UMODL1: variants seen among roughly 807,000 people sequenced by gnomAD.
UMODL1 encodes uromodulin like 1, also known as uromodulin-like 1.
Under a neutral mutation model 136.3 loss-of-function variants are expected in UMODL1, and 128 were observed. The observed-to-expected ratio is 0.94, with a 90% CI of 0.81 to 1.09. The LOEUF (loss-of-function observed/expected upper bound fraction) is 1.09. UMODL1 is among the 50% of genes least tolerant of loss of function. The pLI is 0.00. For synonymous variants in UMODL1, 721 were observed against 720.0 expected (o/e 1.00, Z -0.02); for missense variants, 1,766 against 1,725.6 (o/e 1.02, Z -0.41).
At position 42,089,937 on chromosome 21, in the gene UMODL1, G is replaced by A. The variant is rs528357722; in HGVS notation, c.791-361G>A. Among the ~76,000 whole-genome samples, 7 of 152,262 alleles carry A rather than the reference G, an allele frequency of 4.6e-5. No homozygotes were observed. In the South Asian group the frequency reaches 8.3e-4, roughly 18 times the overall value. ...GGTGGCTCTGGGTTTCCTTGTTGGC[G>A]CAGAAAACACCCACTGATTTACTTT... On this transcript the variant is annotated intron_variant, in intron 5 of 22. Transcript: ENST00000408910.
At chr21:42,089,414 T>TTCTGTCATCTGC in intron 5 of UMODL1, among the ~76,000 whole-genome samples, 2 of 152,288 alleles carry the variant, frequency 1.3e-5, no homozygotes, top group South Asian at 4.2e-4. Context: ...AAAGTGCTCG[T>TTCTGTCATCTGC]TCTGTCATCT....
intron 14 of UMODL1, among the ~76,000 whole-genome samples, chr21:42,117,137 A>G (rs1601249563): frequency 1.3e-5 from 2 of 152,214 alleles, no homozygotes; most frequent in South Asian, 2.1e-4. Flanking sequence ...GTAATCACTT[A>G]TCTGCTTTTT....
rs2066416783 is a variant in UMODL1, at chr21:42,085,535, A to G, written c.603+123A>G. ...GGGTGATGTTCCCCAAATGGCCCCA[A>G]ATGACTGACTCTGAACGAAATTCTA... On this transcript the variant is annotated intron_variant, in intron 4 of 22. Transcript: ENST00000408910. This position sits in a 1 kb window ranked among gnomAD's most constrained non-coding sequence, Gnocchi z 4.5. 3.4e-6 allele frequency: 5 copies of G among 1,472,176 alleles called. No individual in the cohort carries two copies. Among genetic ancestry groups the G allele is most frequent in the Admixed American group, 3.9e-5 (2 of 51,714 alleles). The allele number at this position is 1,472,176 out of a possible 1,614,324, so 91.2% of individuals were successfully genotyped here. A position where few individuals can be genotyped will look rare whatever the true frequency, so the allele number is the denominator to read the frequency against.
intron 6 of UMODL1, among the ~76,000 whole-genome samples, chr21:42,092,926 TCCTCTGAAGACGCACATGAA>T (rs1049955948): frequency 6.6e-6 from 1 of 152,198 alleles, no homozygotes; most frequent in Non-Finnish European, 1.5e-5. Context: ...CCAAGGCTGG[TCCTCTGAAGACGCACATGAA>T]CCAGCTGTGT....
At chr21:42,100,598 CTT>C (rs1323291973) in intron 7 of UMODL1, among the ~76,000 whole-genome samples, 1 of 152,132 alleles carries the variant, frequency 6.6e-6, no homozygotes, top group African/African-American at 2.4e-5. Flanking sequence ...GAGGGACACT[CTT>C]TTCCCTTTTT....
intron 2 of UMODL1, 30 bp from the exon 3 acceptor site, chr21:42,084,054 A>G (rs200130847): frequency 2.5e-6 from 4 of 1,604,972 alleles, no homozygotes; most frequent in Non-Finnish European, 3.4e-6. Context: ...TTTTATCGCC[A>G]GTATCATTAA....
chr21:42,112,528 T>TCCCCAGCTGTTCTGCAC lies in UMODL1; in HGVS notation c.2104+833_2104+849dup, dbSNP rs1164774255. ...CTATATGCCCCAGAGATTCTGTATC[T>TCCCCAGCTGTTCTGCAC]CCCCAGCTGTTCTGCACCCCCAGCT... is the stretch of plus-strand genomic sequence containing the variant. On this transcript the variant is annotated intron_variant, in intron 12 of 22. Transcript: ENST00000408910. Among the ~76,000 whole-genome samples, 13 of 149,404 alleles carry TCCCCAGCTGTTCTGCAC rather than the reference T, an allele frequency of 8.7e-5. No individual in the cohort carries two copies. In the East Asian group the frequency reaches 2.0e-3, roughly 23 times the overall value.
chr21:42,083,761 A>G (rs923991274), intron 2 of UMODL1, among the ~76,000 whole-genome samples: 1 of 152,266 alleles, frequency 6.6e-6, no homozygotes, highest in African/African-American at 2.4e-5. Context: ...TGAATGAGCT[A>G]TCAGGACTTG....
In UMODL1 at chr21:42,119,104, C is replaced by T; in HGVS notation, c.2476-7C>T. On this transcript the variant is annotated splice_polypyrimidine_tract_variant and splice_region_variant and intron_variant, in intron 14 of 22. Transcript: ENST00000408910. ...GGGACCTCCTCACATGGCCTCTTTCCCCGCAGGTGCGGGGCTCCCTGCCAG... is the reference window on the plus strand; with the variant it reads ...GGGACCTCCTCACATGGCCTCTTTCTCCGCAGGTGCGGGGCTCCCTGCCAG... 1.2e-6 allele frequency: 2 copies of T among 1,611,150 alleles called. No homozygotes were observed. The highest frequency in any genetic ancestry group is 8.5e-7 in the Non-Finnish European group (1 of 1,178,992).
intron 20 of UMODL1, among the ~76,000 whole-genome samples, chr21:42,129,249 A>T (rs1396682094): frequency 6.6e-6 from 1 of 152,098 alleles, no homozygotes; most frequent in Non-Finnish European, 1.5e-5. Flanking sequence ...TTTGGAGGAC[A>T]TGTTGCAGCC....
chr21:42,063,912 G>A (rs896993783), intron 1 of UMODL1, among the ~76,000 whole-genome samples: 5 of 152,110 alleles, frequency 3.3e-5, no homozygotes, highest in Admixed American at 2.0e-4. Flanking sequence ...CCCTTTTCTC[G>A]ACACCCTGCG....
In UMODL1 at chr21:42,103,803, C is replaced by T. The variant is rs770517855; in HGVS notation, c.1300-65C>T. The stretch of plus-strand genomic sequence containing the variant: ...TCCAAGCACCATCCATCGGTCACAC[C>T]TGGAACCCTGCTTAATGGTCGTGAA... On this transcript the variant is annotated intron_variant, in intron 8 of 22. Coordinates refer to ENST00000408910, the MANE Select transcript of UMODL1 (RefSeq NM_001004416.3). The T allele has an allele frequency of 1.9e-5, 30 of 1,590,516 alleles. No individual in the cohort carries two copies. The Admixed American group carries it at 4.8e-4, about 26-fold the overall frequency.
Position 42,076,109 on chromosome 21 carries a change from T to G in UMODL1, c.181T>G (p.Cys61Gly). 6.2e-7 allele frequency: 1 copy of G among 1,614,236 alleles called. No homozygotes were observed. The highest frequency in any genetic ancestry group is 8.5e-7 in the Non-Finnish European group (1 of 1,180,044). The change falls in exon 2 of 23, where the codon TGC (cysteine) becomes GGC (glycine). Residue 61 changes from cysteine to glycine, a missense_variant. Physicochemically the swap from Cys to Gly is radical, Grantham distance 159. Coordinates refer to ENST00000408910, the MANE Select transcript of UMODL1 (RefSeq NM_001004416.3). ...GACGTCCTACACGTCCTATGTGTCC[T>G]GCGGCGGCTGGATCCCCTGGAGGCG... ...VQTSYTSYVS[C>G]GGWIPWRRCP...
chr21:42,138,754 TA>T (rs2067241803), intron 22 of UMODL1, among the ~76,000 whole-genome samples: 1 of 152,142 alleles, frequency 6.6e-6, no homozygotes, highest in Admixed American at 6.5e-5. Context: ...TTTGTATTTT[TA>T]GTAGATACAG....
chr21:42,110,732 T>G (rs920324400), intron 10 of UMODL1, 148 bp from the exon 11 acceptor site: 1 of 747,256 alleles, frequency 1.3e-6, no homozygotes, highest in African/African-American at 1.8e-5. Flanking sequence ...CAGGAAACAC[T>G]CCTGAACGCT....
intron 21 of UMODL1, among the ~76,000 whole-genome samples, chr21:42,131,344 T>G (rs945820627): frequency 6.6e-6 from 1 of 150,580 alleles, no homozygotes; most frequent in African/African-American, 2.4e-5. Context: ...GCTCAGGTCT[T>G]GGCCATGAAG....
At chr21:42,138,392 G>T (rs1195964069) in intron 22 of UMODL1, among the ~76,000 whole-genome samples, 1 of 152,134 alleles carries the variant, frequency 6.6e-6, no homozygotes, top group East Asian at 1.9e-4. Flanking sequence ...CATGCCCGCA[G>T]CCCCGACTTA....
chr21:42,085,305 C>A lies in UMODL1; in HGVS notation c.496C>A (p.Pro166Thr), dbSNP rs559445456. The A allele has an allele frequency of 1.9e-6, 3 of 1,613,972 alleles. No homozygotes were observed. The South Asian group carries it at 3.3e-5, about 18-fold the overall frequency. Reference sequence around the variant, plus strand: ...CCCTTGTGTAGCTCCAGAGAGGGACCCTGTGGGCTCCTGGTACAACGTCAC... The same window carrying A: ...CCCTTGTGTAGCTCCAGAGAGGGACACTGTGGGCTCCTGGTACAACGTCAC... ...APAPQAPERDPVGSWYNVTIL... is the reference protein window; with the variant it reads ...APAPQAPERDTVGSWYNVTIL... Residue 166 changes from proline to threonine, a missense_variant, in exon 4 of 23, where the codon CCT becomes ACT. Coordinates refer to ENST00000408910, the MANE Select transcript of UMODL1 (RefSeq NM_001004416.3). This position sits in a 1 kb window ranked among gnomAD's most constrained non-coding sequence, Gnocchi z 4.5.
intron 6 of UMODL1, chr21:42,093,877 G>T (rs1159386266): frequency 2.6e-5 from 12 of 456,532 alleles, no homozygotes; most frequent in Admixed American, 1.9e-4. Context: ...GCAGCACGTG[G>T]CCTTGAGATC....
Sources: allele counts gnomAD v4.1 joint callset (sites outside exome capture counted in the v4.1 genomes callset), GRCh38; gene constraint gnomAD v4.1.1; non-coding constraint Gnocchi (gnomAD v3.1); transcripts MANE v1.5; gene names NCBI Gene and HGNC (gene_info 2026-07-23, HGNC 2026-07-21).